The following OAT variants were observed in gnomAD, a reference collection of about 807,000 sequenced individuals.
The protein encoded by OAT is ornithine aminotransferase.
OAT carries 35 observed loss-of-function variants against 48.4 expected under a neutral mutation model. That is an observed-to-expected ratio of 0.72 (90% CI 0.55 to 0.96). The LOEUF is 0.96. Among genes scored for constraint, OAT ranks in the 40% least tolerant of loss-of-function variants. The probability of loss-of-function intolerance (pLI) is 0.00; values close to 1 mark genes in which losing one functional copy is unlikely to be tolerated. For synonymous variants in OAT, 182 were observed against 198.4 expected (o/e 0.92, Z 0.70); for missense variants, 438 against 537.9 (o/e 0.81, Z 1.84).
chr10:124,406,457 T>C (rs1290077267), intron 4 of OAT, among the ~76,000 whole-genome samples: 1 of 151,652 alleles, frequency 6.6e-6, no homozygotes, highest in Non-Finnish European at 1.5e-5. Flanking sequence ...CACCACTGCA[T>C]TCCGGCCTGG....
At chr10:124,411,927 A>G (rs1439000797) in intron 2 of OAT, 46 bp downstream of exon 2, 2 of 1,576,114 alleles carry the variant, frequency 1.3e-6, no homozygotes, top group South Asian at 2.2e-5. Flanking sequence ...TTTTTTTTAT[A>G]AAAGGTTTCA....
intron 4 of OAT, chr10:124,406,198 G>A: frequency 1.1e-6 from 1 of 873,764 alleles, no homozygotes; most frequent in African/African-American, 1.8e-5. Context: ...TGTTTTAGAT[G>A]TTGGGGAATA....
intron 6 of OAT, 51 bp downstream of exon 6, chr10:124,403,747 C>T: frequency 6.2e-7 from 1 of 1,613,180 alleles, no homozygotes; most frequent in South Asian, 1.1e-5. Context: ...AGCCTCATCA[C>T]AAACAGCTAA....
Position 124,408,597 on chromosome 10 carries a change from C to G in OAT, c.465G>C (p.Lys155Asn). 1 of 1,612,938 alleles carries G rather than the reference C, an allele frequency of 6.2e-7. No homozygotes were observed. Among genetic ancestry groups the G allele is most frequent in the Non-Finnish European group, 8.5e-7 (1 of 1,179,888 alleles). The change falls in exon 4 of 10, where the codon AAG becomes AAC. Residue 155 changes from lysine to asparagine, a missense_variant. Lys to Asn is a moderately conservative substitution (Grantham distance 94). Transcript: ENST00000368845. ...GAATGCCCTTCACGGTATAGCCCCA[C>G]TTACGAGCTAGTTTACAGGCAGTCT... is the stretch of plus-strand genomic sequence containing the variant. The part of the protein sequence containing the change: ...AGETACKLAR[K>N]WGYTVKGIQK...
intron 6 of OAT, 51 bp downstream of exon 6, chr10:124,403,747 C>A (rs1335612942): frequency 6.2e-7 from 1 of 1,613,062 alleles, no homozygotes; most frequent in African/African-American, 1.3e-5. Context: ...AGCCTCATCA[C>A]AAACAGCTAA....
chr10:124,405,972 G>T, intron 4 of OAT: 2 of 1,089,790 alleles, frequency 1.8e-6, no homozygotes, highest in Non-Finnish European at 2.2e-6. Flanking sequence ...GACAATTAGC[G>T]GTTTTCCTTT....
intron 9 of OAT, among the ~76,000 whole-genome samples, chr10:124,399,938 A>G (rs1036772081): frequency 2.0e-5 from 3 of 152,204 alleles, no homozygotes; most frequent in African/African-American, 7.2e-5. Flanking sequence ...ACCAACAAAA[A>G]AACTTGAACT....
At chr10:124,406,821 A>AAAT in intron 4 of OAT, 1 of 323,636 alleles carries the variant, frequency 3.1e-6, no homozygotes, top group Non-Finnish European at 4.4e-6. Flanking sequence ...AAAAAAAAAA[A>AAAT]GTTGGGAAAT....
intron 4 of OAT, chr10:124,407,220 G>C: frequency 8.1e-6 from 8 of 985,414 alleles, no homozygotes; most frequent in South Asian, 4.7e-5. Context: ...GCACTGATTA[G>C]ACCATAAGCC....
chr10:124,403,254 G>C, intron 6 of OAT, 199 bp from the exon 7 acceptor site: 1 of 638,274 alleles, frequency 1.6e-6, no homozygotes, highest in East Asian at 2.8e-5. Context: ...TATTTCCTTT[G>C]TCAGGCCACT....
chr10:124,413,642 A>C (rs1951829351), intron 1 of OAT, among the ~76,000 whole-genome samples: 1 of 152,216 alleles, frequency 6.6e-6, no homozygotes, highest in Non-Finnish European at 1.5e-5. Context: ...AAGACTGCGC[A>C]TTGCACTCCA....
chr10:124,413,584 A>C (rs1951826433), intron 1 of OAT, among the ~76,000 whole-genome samples: 1 of 152,116 alleles, frequency 6.6e-6, no homozygotes, highest in South Asian at 2.1e-4. Flanking sequence ...TCAGGAGGCT[A>C]AGGCAGGAGA....
rs1951752193 is a variant in OAT, at chr10:124,411,572, C to T, written c.199+401G>A. Among the ~76,000 whole-genome samples, 3 of 152,172 alleles carry T rather than the reference C, an allele frequency of 2.0e-5. No homozygotes were observed. In the South Asian group the frequency reaches 6.2e-4, roughly 31 times the overall value. On this transcript the variant is annotated intron_variant, in intron 2 of 9. Transcript: ENST00000368845. ...GTGGCTCACACCTGTAATCCCAGCACTTTGGGAGGCCAAGGTGGGAGGATC... is the reference window on the plus strand; with the variant it reads ...GTGGCTCACACCTGTAATCCCAGCATTTTGGGAGGCCAAGGTGGGAGGATC...
At chr10:124,409,076 T>G in intron 2 of OAT, 111 bp from the exon 3 acceptor site, 1 of 703,388 alleles carries the variant, frequency 1.4e-6, no homozygotes, top group Admixed American at 2.8e-5. Context: ...AACCTCTATT[T>G]AATACATATT....
chr10:124,403,713 G>C, intron 6 of OAT, 85 bp downstream of exon 6: 4 of 1,556,734 alleles, frequency 2.6e-6, no homozygotes, highest in Non-Finnish European at 2.7e-6. Context: ...AGAATTCAGA[G>C]AGGAGTTGGG....
At chr10:124,410,956 A>G (rs544427181) in intron 2 of OAT, among the ~76,000 whole-genome samples, 1 of 152,140 alleles carries the variant, frequency 6.6e-6, no homozygotes, top group East Asian at 1.9e-4. Context: ...CCCGGCCAAC[A>G]TGATGAAACC....
chr10:124,414,560 C>T (rs1951858364), intron 1 of OAT: 1 of 152,164 alleles, frequency 6.6e-6, no homozygotes, highest in Admixed American at 6.5e-5. Flanking sequence ...AAGAATCATC[C>T]AACTGGAGGT....
intron 1 of OAT, chr10:124,415,006 C>T (rs1951875513): frequency 7.9e-6 from 1 of 126,110 alleles, no homozygotes; most frequent in Admixed American, 1.0e-4. Context: ...ATCTCTTGAG[C>T]CCTGAGTTCT....
intron 1 of OAT, among the ~76,000 whole-genome samples, chr10:124,413,644 T>C (rs1951829573): frequency 6.6e-6 from 1 of 152,160 alleles, no homozygotes; most frequent in Non-Finnish European, 1.5e-5. Flanking sequence ...GACTGCGCAT[T>C]GCACTCCAGC....
Sources: allele counts gnomAD v4.1 joint callset (sites outside exome capture counted in the v4.1 genomes callset), GRCh38; gene constraint gnomAD v4.1.1; transcripts MANE v1.5; gene names NCBI Gene and HGNC (gene_info 2026-07-23, HGNC 2026-07-21).